MAGT1: variants seen among roughly 807,000 people sequenced by gnomAD.
MAGT1 encodes dolichyl-diphosphooligosaccharide--protein glycosyltransferase subunit MAGT1.
Under a neutral mutation model 28.4 loss-of-function variants are expected in MAGT1, and 4 were observed. That is an observed-to-expected ratio of 0.14 (90% confidence interval 0.07 to 0.32). The LOEUF (loss-of-function observed/expected upper bound fraction) is 0.32. Among genes scored for constraint, MAGT1 ranks in the 10% least tolerant of loss-of-function variants. MAGT1 has a pLI of 1.00. For synonymous variants in MAGT1, 89 were observed against 89.7 expected (o/e 0.99, Z 0.04); for missense variants, 193 against 264.5 (o/e 0.73, Z 1.88).
intron 8 of MAGT1, among the ~76,000 whole-genome samples, chrX:77,831,552 T>C (rs1285694740): frequency 8.2e-5 from 9 of 109,697 alleles, no homozygotes; most frequent in African/African-American, 2.6e-4. Flanking sequence ...AGAAACACTG[T>C]TACAATCGAC....
At chrX:77,850,218 G>A (rs2076963489) in intron 7 of MAGT1, among the ~76,000 whole-genome samples, 1 of 110,810 alleles carries the variant, frequency 9.0e-6, no homozygotes, top group Admixed American at 9.7e-5. Flanking sequence ...GCTCACGCCT[G>A]AAATCCTAGC....
rs782650098 is a variant in MAGT1 at position 77,837,720 on chromosome X, A to T, written c.901+3526T>A. Among the ~76,000 whole-genome samples the T allele has an allele frequency of 3.1e-4, 35 of 111,901 alleles. No homozygotes were observed. The South Asian group carries it at 4.4e-3, about 14-fold the overall frequency. On this transcript the variant is annotated intron_variant, in intron 8 of 9. Coordinates refer to ENST00000618282, the MANE Select transcript of MAGT1 (RefSeq NM_001367916.1). ...TATTAGACTTTATTTAGGTAGGGTA[A>T]TTTTTATGACATTTAACTTTTTTAT...
intron 3 of MAGT1, 133 bp from the exon 4 acceptor site, chrX:77,857,630 C>T: frequency 1.3e-6 from 1 of 784,714 alleles, no homozygotes; most frequent in Non-Finnish European, 1.9e-6. Flanking sequence ...TTTGGTTTGC[C>T]CAAGGAAAGT....
rs1408011440 is a variant in MAGT1, at chrX:77,839,343, CT to C, written c.901+1902del. 4.8e-3 allele frequency among the ~76,000 whole-genome samples: 464 copies of C among 97,054 alleles called. 2 individuals carry two copies. Among genetic ancestry groups the C allele is most frequent in the African/African-American group, 0.015 (395 of 27,136 alleles). The allele number at this position is 97,054 out of a possible 115,157, so 84.3% of individuals were successfully genotyped here. A position where few individuals can be genotyped will look rare whatever the true frequency, so the allele number is the denominator to read the frequency against. ...CAACAAAACCAATGAAACAAACATT[CT>C]TTTTTTTTTTTTCTTTAAGATGAAG... On this transcript the variant is annotated intron_variant, in intron 8 of 9. Coordinates refer to ENST00000618282, the MANE Select transcript of MAGT1 (RefSeq NM_001367916.1).
chrX:77,877,055 G>T (rs1235192936), intron 1 of MAGT1, among the ~76,000 whole-genome samples: 2 of 92,767 alleles, frequency 2.2e-5, no homozygotes, highest in Non-Finnish European at 4.3e-5. Flanking sequence ...ATACAAAATA[G>T]ATCATATACT....
chrX:77,853,292 G>A (rs781918336), intron 7 of MAGT1, among the ~76,000 whole-genome samples: 2 of 111,710 alleles, frequency 1.8e-5, no homozygotes, highest in Non-Finnish European at 3.8e-5. Flanking sequence ...TTCTTACTGA[G>A]GAATATTGGT....
Position 77,828,979 on chromosome X carries a change from C to A in MAGT1, c.*241G>T. On this transcript the variant is annotated 3_prime_UTR_variant, in exon 10 of 10. Transcript: ENST00000618282. ...ACTTAATTGTACTAAATTAAATGTT[C>A]CATAAAGTTCACTGGGAAGAGAAGG... is the stretch of plus-strand genomic sequence containing the variant. 1 of 318,273 alleles carries A rather than the reference C, an allele frequency of 3.1e-6. No homozygotes were observed. 26.2% of individuals were successfully genotyped at this position (318,273 alleles called of 1,213,427 possible).
At chrX:77,862,320 C>T (rs2076996710) in intron 3 of MAGT1, among the ~76,000 whole-genome samples, 1 of 110,004 alleles carries the variant, frequency 9.1e-6, no homozygotes, top group African/African-American at 3.3e-5. Flanking sequence ...ATTCAAGGTA[C>T]GAAAGTGTAC....
At chrX:77,860,624 A>G (rs1557216395) in intron 3 of MAGT1, among the ~76,000 whole-genome samples, 2 of 109,808 alleles carry the variant, frequency 1.8e-5, no homozygotes, top group South Asian at 7.8e-4. Context: ...TCTACTAAAA[A>G]TACAAAAATT....
In MAGT1 at chrX:77,841,697, ACAGGGTCTGGCT is replaced by A. The variant is rs368025907; in HGVS notation, c.827-389_827-378del. On this transcript the variant is annotated intron_variant, in intron 7 of 9. Transcript: ENST00000618282. ...TAAATGGCTTTTTTTTTTTTTTGAG[ACAGGGTCTGGCT>A]CTGTCACCCAGGCTGGAGTGCAGTG... 2.3e-3 allele frequency among the ~76,000 whole-genome samples: 240 copies of A among 105,278 alleles called. 2 individuals carry two copies. The highest frequency in any genetic ancestry group is 7.9e-3 in the African/African-American group (227 of 28,851). The allele number at this position is 105,278 out of a possible 115,157, so 91.4% of individuals were successfully genotyped here.
At chrX:77,881,821 A>T (rs182133916) in intron 1 of MAGT1, among the ~76,000 whole-genome samples, 23 of 110,963 alleles carry the variant, frequency 2.1e-4, no homozygotes, top group Middle Eastern at 9.2e-3. Context: ...CTAGTTCTAG[A>T]TCCCTGAGGA....
At chrX:77,893,518 C>T (rs111482857) in intron 1 of MAGT1, among the ~76,000 whole-genome samples, 16,797 of 110,798 alleles carry the variant, frequency 0.15, 1,258 homozygotes, top group Middle Eastern at 0.23. Flanking sequence ...TGTTGTGCTT[C>T]CAGTTCAGTG....
At chrX:77,893,098 G>A (rs2077088364) in intron 1 of MAGT1, among the ~76,000 whole-genome samples, 1 of 111,823 alleles carries the variant, frequency 8.9e-6, no homozygotes, top group African/African-American at 3.3e-5. Flanking sequence ...GCTGCAGTGA[G>A]TCATGATAGT....
chrX:77,851,113 G>A (rs1419131979), intron 7 of MAGT1, among the ~76,000 whole-genome samples: 1 of 109,586 alleles, frequency 9.1e-6, no homozygotes, highest in African/African-American at 3.3e-5. Flanking sequence ...TGGAATTATA[G>A]GTGCACACTA....
intron 7 of MAGT1, among the ~76,000 whole-genome samples, chrX:77,851,593 C>T (rs782772899): frequency 1.8e-4 from 20 of 111,791 alleles, no homozygotes; most frequent in Non-Finnish European, 3.6e-4. Flanking sequence ...GGGCTGGTCT[C>T]GAACTCCTGA....
chrX:77,850,953 A>G (rs1180405674), intron 7 of MAGT1, among the ~76,000 whole-genome samples: 1 of 109,247 alleles, frequency 9.2e-6, no homozygotes, highest in Non-Finnish European at 1.9e-5. Flanking sequence ...CCATCAAACC[A>G]TACTTTTCTT....
At position 77,826,224 on chromosome X, in the gene MAGT1, T is replaced by C. The variant is rs1035136167; in HGVS notation, c.*2996A>G. On this transcript the variant is annotated 3_prime_UTR_variant, in exon 10 of 10. Coordinates refer to ENST00000618282, the MANE Select transcript of MAGT1 (RefSeq NM_001367916.1). Reference sequence around the variant, plus strand: ...CCAATCCAGAAATACTTAAAGAAACTGTCCCATCAAACTGTCCTTAGGACA... The same window carrying C: ...CCAATCCAGAAATACTTAAAGAAACCGTCCCATCAAACTGTCCTTAGGACA... The C allele has an allele frequency of 8.9e-6, 1 of 112,133 alleles. No homozygotes were observed. Among genetic ancestry groups the C allele is most frequent in the Non-Finnish European group, 1.9e-5 (1 of 53,215 alleles). The allele number at this position is 112,133 out of a possible 1,213,427, so 9.2% of individuals were successfully genotyped here.
intron 1 of MAGT1, among the ~76,000 whole-genome samples, chrX:77,878,915 A>G (rs1238227479): frequency 9.0e-6 from 1 of 111,599 alleles, no homozygotes; most frequent in Non-Finnish European, 1.9e-5. Context: ...ATGTCTACAC[A>G]CAAAAAAGAG....
intron 7 of MAGT1, among the ~76,000 whole-genome samples, chrX:77,844,754 C>T (rs1273269291): frequency 1.8e-5 from 2 of 111,478 alleles, no homozygotes; most frequent in African/African-American, 6.5e-5. Flanking sequence ...TTGAGTGGTT[C>T]TGAGTGAGTT....
Sources: allele counts gnomAD v4.1 joint callset (sites outside exome capture counted in the v4.1 genomes callset), GRCh38; gene constraint gnomAD v4.1.1; transcripts MANE v1.5; gene names NCBI Gene and HGNC (gene_info 2026-07-23, HGNC 2026-07-21).